Variants in DBX2 observed in about 807,000 individuals in gnomAD.
The protein encoded by DBX2 is homeobox protein DBX2.
A neutral mutation model predicts 17.7 loss-of-function variants in DBX2; 16 were observed. The observed-to-expected ratio is 0.90, with a 90% CI of 0.61 to 1.37. DBX2 has a LOEUF of 1.37. Among genes scored for constraint, DBX2 ranks in the 40% most tolerant of loss-of-function variants. DBX2 has a pLI of 0.00. For synonymous variants in DBX2, 255 were observed against 183.8 expected, an observed-to-expected ratio of 1.39 and a Z score of -3.13; for missense variants, 538 against 433.8, an observed-to-expected ratio of 1.24 and a Z score of -2.13.
At chr12:45,019,495 G>C (rs1241460161) in intron 3 of DBX2, among the ~76,000 whole-genome samples, 2 of 152,046 alleles carry the variant, frequency 1.3e-5, no homozygotes, top group East Asian at 3.9e-4. Context: ...TTGTTAGTAA[G>C]AGTGAAATTT....
intron 1 of DBX2, among the ~76,000 whole-genome samples, chr12:45,038,856 A>T (rs1946454296): frequency 6.6e-6 from 1 of 152,046 alleles, no homozygotes; most frequent in African/African-American, 2.4e-5. Flanking sequence ...TCTCTACATT[A>T]CCCTATCTTA....
chr12:45,035,547 A>C (rs1946435480), intron 2 of DBX2, among the ~76,000 whole-genome samples: 1 of 152,188 alleles, frequency 6.6e-6, no homozygotes, highest in South Asian at 2.1e-4. Context: ...GTTACCTTCA[A>C]GATGCCAAAA....
intron 1 of DBX2, among the ~76,000 whole-genome samples, chr12:45,042,564 A>G (rs1946477429): frequency 6.6e-6 from 1 of 152,208 alleles, no homozygotes. Flanking sequence ...AGAAGAGTTA[A>G]ATGCAGTTGA....
At chr12:45,045,176 G>A (rs907102798) in intron 1 of DBX2, among the ~76,000 whole-genome samples, 7 of 151,996 alleles carry the variant, frequency 4.6e-5, no homozygotes, top group East Asian at 1.9e-4. Context: ...GTATTTGAAC[G>A]AAAACTCAGT....
intron 1 of DBX2, among the ~76,000 whole-genome samples, chr12:45,049,856 G>T (rs1383667798): frequency 1.3e-5 from 2 of 152,036 alleles, no homozygotes; most frequent in African/African-American, 4.8e-5. Flanking sequence ...CCCTTCTTTC[G>T]GTAAATTCTT....
intron 1 of DBX2, among the ~76,000 whole-genome samples, chr12:45,046,511 G>A (rs1487559315): frequency 6.6e-6 from 1 of 152,144 alleles, no homozygotes; most frequent in Non-Finnish European, 1.5e-5. Context: ...GTCAGCAACA[G>A]AAAGCTCAAA....
chr12:45,050,429 C>T, intron 1 of DBX2, 96 bp downstream of exon 1: 1 of 1,467,652 alleles, frequency 6.8e-7, no homozygotes, highest in Non-Finnish European at 9.0e-7. Context: ...CCGGCTCTCC[C>T]TGGGCGCAGT....
intron 2 of DBX2, among the ~76,000 whole-genome samples, chr12:45,032,287 G>A (rs1239009859): frequency 6.6e-6 from 1 of 152,032 alleles, no homozygotes; most frequent in Non-Finnish European, 1.5e-5. Flanking sequence ...AATATAATTA[G>A]CCTCCTTTTT....
rs58371508 is a variant in DBX2 at position 45,039,277 on chromosome 12, G to GTA, written c.404-3165_404-3164dup. Among the ~76,000 whole-genome samples the GTA allele has an allele frequency of 6.1e-3, 550 of 90,068 alleles. 5 individuals carry two copies. Among genetic ancestry groups the GTA allele is most frequent in the Middle Eastern group, 0.017 (2 of 120 alleles). The allele number at this position is 90,068 out of a possible 152,430, so 59.1% of individuals were successfully genotyped here. A position where few individuals can be genotyped will look rare whatever the true frequency, so the allele number is the denominator to read the frequency against. ...TTTAAAACAATGCACTGCATTGAAGGTATATATATATATATATATATATAT... is the reference window on the plus strand; with the variant it reads ...TTTAAAACAATGCACTGCATTGAAGGTATATATATATATATATATATATATAT... On this transcript the variant is annotated intron_variant, in intron 1 of 3. Transcript: ENST00000332700.
intron 2 of DBX2, 105 bp downstream of exon 2, chr12:45,035,914 G>T: frequency 9.5e-7 from 1 of 1,049,042 alleles, no homozygotes. Flanking sequence ...TGAGGAATTA[G>T]CTCCTTGCCA....
intron 1 of DBX2, 140 bp downstream of exon 1, chr12:45,050,385 A>C (rs576771695): frequency 8.2e-7 from 1 of 1,223,608 alleles, no homozygotes; most frequent in South Asian, 1.6e-5. Flanking sequence ...TGGCATCTCC[A>C]CTAAAGCTCG....
intron 1 of DBX2, among the ~76,000 whole-genome samples, chr12:45,042,102 G>A (rs1432911944): frequency 3.9e-5 from 6 of 152,086 alleles, no homozygotes; most frequent in East Asian, 3.9e-4. Flanking sequence ...CTGGACACCC[G>A]CATAACATTT....
intron 1 of DBX2, among the ~76,000 whole-genome samples, chr12:45,047,179 C>T (rs983844306): frequency 6.6e-6 from 1 of 152,046 alleles, no homozygotes; most frequent in East Asian, 1.9e-4. Context: ...TTGAGGCCCT[C>T]TTTTATATAC....
At chr12:45,034,485 G>T (rs1047603106) in intron 2 of DBX2, among the ~76,000 whole-genome samples, 2 of 152,168 alleles carry the variant, frequency 1.3e-5, no homozygotes, top group African/African-American at 4.8e-5. Flanking sequence ...CGAGTAAAAG[G>T]TTTAGTCATG....
chr12:45,026,282 C>A (rs560263153), intron 2 of DBX2, among the ~76,000 whole-genome samples: 1 of 152,204 alleles, frequency 6.6e-6, no homozygotes, highest in Non-Finnish European at 1.5e-5. Flanking sequence ...TAGAGAACTG[C>A]AAGGGTTTGG....
chr12:45,050,393 T>G, intron 1 of DBX2, 132 bp downstream of exon 1: 1 of 1,284,414 alleles, frequency 7.8e-7, no homozygotes, highest in Non-Finnish European at 1.0e-6. Flanking sequence ...CCACTAAAGC[T>G]CGAGATGCTC....
intron 1 of DBX2, among the ~76,000 whole-genome samples, chr12:45,050,090 C>T (rs1946521152): frequency 2.0e-5 from 3 of 152,154 alleles, no homozygotes; most frequent in Non-Finnish European, 2.9e-5. Context: ...CAAGTTGGGC[C>T]GCGCAAAGCT....
chr12:45,045,299 C>T (rs964565341), intron 1 of DBX2, among the ~76,000 whole-genome samples: 2 of 152,206 alleles, frequency 1.3e-5, no homozygotes, highest in African/African-American at 2.4e-5. Context: ...AGTAGACAAA[C>T]ACTGTATTAA....
intron 1 of DBX2, among the ~76,000 whole-genome samples, chr12:45,046,574 C>T (rs1399196559): frequency 7.2e-5 from 11 of 152,150 alleles, no homozygotes; most frequent in African/African-American, 2.7e-4. Context: ...GCAATCCCCA[C>T]CTTGAGCACA....
Sources: gnomAD v4.1 joint callset for allele counts (sites outside exome capture counted in the v4.1 genomes callset) on GRCh38, gnomAD v4.1.1 for gene constraint, MANE v1.5 for transcripts, NCBI Gene and HGNC (gene_info 2026-07-23, HGNC 2026-07-21) for gene names.